Variants in NRXN3 observed in about 807,000 individuals in gnomAD.
NRXN3 encodes neurexin 3, also known as neurexin III.
Under a neutral mutation model 137.6 loss-of-function variants are expected in NRXN3, and 32 were observed. The ratio of observed to expected loss-of-function variants is 0.23; its 90% confidence interval spans 0.18 to 0.31. NRXN3 has a LOEUF of 0.31. NRXN3 is among the 10% of genes least tolerant of loss of function. The pLI is 1.00. For missense variants in NRXN3, 1,574 were observed against 2,062.5 expected (o/e 0.76, Z 4.59); for synonymous variants, 798 against 784.5 (o/e 1.02, Z -0.29).
rs553342474 is a variant in NRXN3, at chr14:79,750,526, T to C, written c.4014+52589T>C. ...CTTTATGATTCTCTATTCTATGACA[T>C]ACTTTGTGAATTCATCTGTAATCAA... On this transcript the variant is annotated intron_variant, in intron 19 of 20. Coordinates refer to ENST00000335750, the MANE Select transcript of NRXN3 (RefSeq NM_001330195.2). 2.6e-4 allele frequency among the ~76,000 whole-genome samples: 40 copies of C among 152,322 alleles called. No homozygotes were observed. The Middle Eastern group carries it at 0.017, about 65-fold the overall frequency.
Sources: gnomAD v4.1 joint callset for allele counts (sites outside exome capture counted in the v4.1 genomes callset) on GRCh38, gnomAD v4.1.1 for gene constraint, MANE v1.5 for transcripts, NCBI Gene and HGNC (gene_info 2026-07-23, HGNC 2026-07-21) for gene names.